Variants in VEZF1 observed in about 807,000 individuals in gnomAD.
VEZF1 encodes the protein putative transcription factor DB1.
Under a neutral mutation model 44.1 loss-of-function variants are expected in VEZF1, and 5 were observed. That is an observed-to-expected ratio of 0.11 (90% CI 0.06 to 0.24). The LOEUF (loss-of-function observed/expected upper bound fraction) is 0.24, where lower values mean the gene tolerates loss of function less well. Among genes scored for constraint, VEZF1 ranks in the 10% least tolerant of loss-of-function variants. VEZF1 has a pLI of 1.00. For missense variants in VEZF1, 358 were observed against 641.8 expected (o/e 0.56, Z 4.78); for synonymous variants, 236 against 233.1 (o/e 1.01, Z -0.11).
In VEZF1 at chr17:57,988,131, C is replaced by T; in HGVS notation, c.-20G>A. The stretch of plus-strand genomic sequence containing the variant: ...CTCCATGGCTGCGGCGGCCGACCCC[C>T]CTCCTCCCCACTCCCCCCGCTCGGG... On this transcript the variant is annotated 5_prime_UTR_variant, in exon 1 of 6. Coordinates refer to ENST00000581208, the MANE Select transcript of VEZF1 (RefSeq NM_007146.3). The T allele has an allele frequency of 1.3e-6, 1 of 799,838 alleles. No individual in the cohort carries two copies. Among genetic ancestry groups the T allele is most frequent in the Non-Finnish European group, 1.6e-6 (1 of 621,456 alleles). The allele number at this position is 799,838 out of a possible 1,614,324, so 49.5% of individuals were successfully genotyped here.
chr17:57,977,765 A>G (rs987239967), intron 5 of VEZF1, among the ~76,000 whole-genome samples: 47 of 151,572 alleles, frequency 3.1e-4, no homozygotes, highest in African/African-American at 1.0e-3. Flanking sequence ...AATCGCTTGA[A>G]CCTGGGAGGC....
chr17:57,984,762 A>G (rs951362285), intron 1 of VEZF1, among the ~76,000 whole-genome samples: 2 of 152,210 alleles, frequency 1.3e-5, no homozygotes, highest in African/African-American at 4.8e-5. Flanking sequence ...TGATGGCAGC[A>G]TAACAGTTAA....
intron 5 of VEZF1, 120 bp downstream of exon 5, chr17:57,979,031 AT>A: frequency 1.5e-6 from 2 of 1,310,762 alleles, no homozygotes; most frequent in Non-Finnish European, 1.0e-6. Context: ...AGCATGCACT[AT>A]TTCCATGTTT....
chr17:57,985,025 T>A (rs1019861316), intron 1 of VEZF1, among the ~76,000 whole-genome samples: 1 of 152,168 alleles, frequency 6.6e-6, no homozygotes, highest in East Asian at 1.9e-4. Flanking sequence ...TTTACAGAAT[T>A]TGGACTCCAG....
At chr17:57,986,938 G>A (rs940463914) in intron 1 of VEZF1, among the ~76,000 whole-genome samples, 2 of 152,190 alleles carry the variant, frequency 1.3e-5, no homozygotes, top group Non-Finnish European at 2.9e-5. Context: ...CAGTTCCGAA[G>A]TTTCCCCGTG....
chr17:57,977,940 T>C (rs1379339205), intron 5 of VEZF1, among the ~76,000 whole-genome samples: 4 of 152,088 alleles, frequency 2.6e-5, no homozygotes, highest in Middle Eastern at 3.4e-3. Flanking sequence ...TGGTGACTCA[T>C]GCCTGTAATC....
In VEZF1 at chr17:57,982,798, C is replaced by T. The variant is rs1008282450; in HGVS notation, c.629G>A (p.Arg210His). The change falls in exon 2 of 6, where the codon CGC (arginine) becomes CAC (histidine). Residue 210 changes from arginine to histidine, a missense_variant. Physicochemically the swap from Arg to His is conservative, Grantham distance 29. Coordinates refer to ENST00000581208, the MANE Select transcript of VEZF1 (RefSeq NM_007146.3). ...AGTCATCCGGTCCTTCCTCTTGAAG[C>T]GCTGATTACAAATAGGACACTCAAA... ...KPFECPICNQ[R>H]FKRKDRMTYH... 4 of 1,614,066 alleles carry T rather than the reference C, an allele frequency of 2.5e-6. No homozygotes were observed. Among genetic ancestry groups the T allele is most frequent in the African/African-American group, 1.3e-5 (1 of 74,920 alleles).
At chr17:57,987,643 G>T (rs1051402375) in intron 1 of VEZF1, among the ~76,000 whole-genome samples, 1 of 152,168 alleles carries the variant, frequency 6.6e-6, no homozygotes, top group East Asian at 2.0e-4. Flanking sequence ...AGGAGACTCA[G>T]GGCAGGACCT....
chr17:57,971,997 C>T lies in VEZF1; in HGVS notation c.*2476G>A, dbSNP rs1384447788. On this transcript the variant is annotated 3_prime_UTR_variant, in exon 6 of 6. Coordinates refer to ENST00000581208, the MANE Select transcript of VEZF1 (RefSeq NM_007146.3). ...CTTTTCAGTGGCCCACCCAAAACCC[C>T]CTCCTGCCATCGACTCTCTCCCTCC... is the stretch of plus-strand genomic sequence containing the variant. 1 of 152,574 alleles carries T rather than the reference C, an allele frequency of 6.6e-6. No individual in the cohort carries two copies. Among genetic ancestry groups the T allele is most frequent in the Admixed American group, 6.5e-5 (1 of 15,272 alleles). 9.5% of individuals were successfully genotyped at this position (152,574 alleles called of 1,614,324 possible).
intron 5 of VEZF1, among the ~76,000 whole-genome samples, chr17:57,977,287 T>G (rs1461067826): frequency 5.3e-5 from 8 of 151,970 alleles, no homozygotes; most frequent in Non-Finnish European, 1.0e-4. Flanking sequence ...CGGCTAATTT[T>G]TTGTTGTTGT....
chr17:57,981,964 A>G, intron 2 of VEZF1, 28 bp from the exon 3 acceptor site: 1 of 1,609,016 alleles, frequency 6.2e-7, no homozygotes, highest in Non-Finnish European at 8.5e-7. Context: ...TCAACAGAAG[A>G]TATAATCGAA....
At chr17:57,987,244 G>A (rs1181804158) in intron 1 of VEZF1, among the ~76,000 whole-genome samples, 2 of 152,162 alleles carry the variant, frequency 1.3e-5, no homozygotes. Flanking sequence ...TCGGGAGAAG[G>A]TCGGGCCTCC....
intron 5 of VEZF1, among the ~76,000 whole-genome samples, chr17:57,977,883 T>C (rs2075207714): frequency 6.6e-6 from 1 of 151,784 alleles, no homozygotes; most frequent in South Asian, 2.1e-4. Context: ...CTATTCCTTT[T>C]ATTTTTATCC....
intron 4 of VEZF1, 86 bp from the exon 5 acceptor site, chr17:57,979,399 G>A (rs1475557878): frequency 6.4e-7 from 1 of 1,567,228 alleles, no homozygotes; most frequent in African/African-American, 1.4e-5. Context: ...ATGCTTCTGT[G>A]ATCTTAACCA....
At chr17:57,987,941 G>C (rs2075315724) in intron 1 of VEZF1, 138 bp downstream of exon 1, 1 of 159,306 alleles carries the variant, frequency 6.3e-6, no homozygotes, top group African/African-American at 2.4e-5. Flanking sequence ...GGGCGGGCGG[G>C]CGGAAAAACA....
In VEZF1 at chr17:57,980,662, T is replaced by C; in HGVS notation, c.917A>G (p.Lys306Arg). 2 of 1,613,952 alleles carry C rather than the reference T, an allele frequency of 1.2e-6. No individual in the cohort carries two copies. Among genetic ancestry groups the C allele is most frequent in the Non-Finnish European group, 1.7e-6 (2 of 1,180,042 alleles). ...LSAAYITSHL[K>R]THGQSQSINC... is the part of the protein sequence containing the mutation. ...GATACTTTGGCTCTGCCCATGAGTC[T>C]TTAAGTGGCTGGTGATGTATGCTGC... The change falls in exon 4 of 6, where the codon AAG becomes AGG. Residue 306 changes from lysine to arginine, a missense_variant. Around this residue, in one of 4 missense-constraint regions of VEZF1, gnomAD observed 171 missense variants for 272.4 expected, o/e 0.63. Transcript: ENST00000581208.
At chr17:57,975,785 T>C (rs2143321427) in intron 5 of VEZF1, among the ~76,000 whole-genome samples, 1 of 152,228 alleles carries the variant, frequency 6.6e-6, no homozygotes, top group East Asian at 1.9e-4. Flanking sequence ...TGGTCCTTCT[T>C]ATCCAACAAA....
At chr17:57,985,834 C>T (rs1466820769) in intron 1 of VEZF1, among the ~76,000 whole-genome samples, 1 of 152,210 alleles carries the variant, frequency 6.6e-6, no homozygotes, top group Non-Finnish European at 1.5e-5. Flanking sequence ...ATAGCTTTCA[C>T]TTTCCACCAA....
At chr17:57,981,962 A>G in intron 2 of VEZF1, 26 bp from the exon 3 acceptor site, 1 of 1,610,834 alleles carries the variant, frequency 6.2e-7, no homozygotes, top group Non-Finnish European at 8.5e-7. Context: ...TTTCAACAGA[A>G]GATATAATCG....
Sources: gnomAD v4.1 joint callset for allele counts (sites outside exome capture counted in the v4.1 genomes callset) on GRCh38, gnomAD v4.1.1 for gene constraint, gnomAD v4.1.1 regional missense constraint, MANE v1.5 for transcripts, NCBI Gene and HGNC (gene_info 2026-07-23, HGNC 2026-07-21) for gene names.